The following FNDC4 variants were observed in gnomAD, a reference collection of about 807,000 sequenced individuals.
FNDC4 encodes fibronectin type III domain-containing protein 4.
FNDC4 carries 11 observed loss-of-function variants against 25.1 expected under a neutral mutation model. That is an observed-to-expected ratio of 0.44 (90% CI 0.28 to 0.73). FNDC4 has a LOEUF of 0.73. Ranked by LOEUF, FNDC4 falls within the 30% of genes least tolerant of loss-of-function variation. The pLI is 0.16. For synonymous variants in FNDC4, 136 were observed against 118.8 expected (o/e 1.14, Z -0.94); for missense variants, 250 against 304.3 (o/e 0.82, Z 1.33).
In FNDC4 at chr2:27,494,456, G is replaced by T. The variant is rs758235309; in HGVS notation, c.144C>A (p.Pro48=). The T allele has an allele frequency of 1.2e-6, 2 of 1,614,024 alleles. No homozygotes were observed. Among genetic ancestry groups the T allele is most frequent in the Non-Finnish European group, 1.7e-6 (2 of 1,180,010 alleles). The change falls in exon 3 of 7, where the codon CCC becomes CCA. Residue 48 remains proline (P), a synonymous_variant. Transcript: ENST00000264703. The surrounding 1 kb of genome is among the most constrained non-coding windows in gnomAD (Gnocchi z 4.6). ...GAGTGACCGTCACATTCACAGGAGA[G>T]GGAGGCCGGTCTGCGGGAGCCAGGG... ...DLGFVRADRP[P]SPVNVTVTHL... is the part of the protein sequence containing the mutation.
chr2:27,493,320 TC>T, intron 5 of FNDC4, 68 bp downstream of exon 5: 1 of 1,294,282 alleles, frequency 7.7e-7, no homozygotes, highest in Non-Finnish European at 1.1e-6. Flanking sequence ...CACTTCTTTT[TC>T]TCCTGACAAC....
chr2:27,494,648 C>T lies in FNDC4; in HGVS notation c.32G>A (p.Ser11Asn). 3.8e-6 allele frequency: 6 copies of T among 1,588,238 alleles called. No individual in the cohort carries two copies. Among genetic ancestry groups the T allele is most frequent in the Non-Finnish European group, 5.1e-6 (6 of 1,169,352 alleles). ...CGAAGCCATGTCCCCACGGAGTCCG[C>T]TGGGGGGGGAACTGTGGCATCCGCT... Reference protein sequence around the residue: MPSGCHSSPPSGLRGDMASLV... With the variant: MPSGCHSSPPNGLRGDMASLV... The change falls in exon 2 of 7, where the codon AGC (serine) becomes AAC (asparagine). Residue 11 changes from serine (S) to asparagine (N), a missense_variant. Transcript: ENST00000264703. This position sits in a 1 kb window ranked among gnomAD's most constrained non-coding sequence, Gnocchi z 4.6.
In FNDC4 at chr2:27,494,665, G is replaced by A; in HGVS notation, c.15C>T (p.Cys5=). 1 of 1,560,292 alleles carries A rather than the reference G, an allele frequency of 6.4e-7. No individual in the cohort carries two copies. Among genetic ancestry groups the A allele is most frequent in the Non-Finnish European group, 8.7e-7 (1 of 1,155,898 alleles). MPSG[C]HSSPPSGLRG... ...GGAGTCCGCTGGGGGGGGAACTGTGGCATCCGCTTGGCATCCGCTTGACAT... is the reference window on the plus strand; with the variant it reads ...GGAGTCCGCTGGGGGGGGAACTGTGACATCCGCTTGGCATCCGCTTGACAT... Residue 5 remains cysteine, a synonymous_variant, in exon 2 of 7, where the codon TGC becomes TGT. Coordinates refer to ENST00000264703, the MANE Select transcript of FNDC4 (RefSeq NM_022823.3). The surrounding 1 kb of genome is among the most constrained non-coding windows in gnomAD (Gnocchi z 4.6).
rs907776988 is a variant in FNDC4 at position 27,492,609 on chromosome 2, C to G, written c.669+57G>C. 1.9e-6 allele frequency: 3 copies of G among 1,609,904 alleles called. No homozygotes were observed. The African/African-American group carries it at 4.0e-5, about 22-fold the overall frequency. ...CCCCTCTTTGACCTTCTTCCTTTCC[C>G]TGGCTGCCCCTCAGGGGCAGAATCA... On this transcript the variant is annotated intron_variant, in intron 6 of 6. Transcript: ENST00000264703. The surrounding 1 kb of genome is among the most constrained non-coding windows in gnomAD (Gnocchi z 4.1).
rs1217711470 is a variant in FNDC4 at position 27,492,576 on chromosome 2, T to C, written c.669+90A>G. The C allele has an allele frequency of 6.3e-7, 1 of 1,599,568 alleles. No individual in the cohort carries two copies. The highest frequency in any genetic ancestry group is 8.6e-7 in the Non-Finnish European group (1 of 1,166,910). On this transcript the variant is annotated intron_variant, in intron 6 of 6. Coordinates refer to ENST00000264703, the MANE Select transcript of FNDC4 (RefSeq NM_022823.3). The surrounding 1 kb of genome is among the most constrained non-coding windows in gnomAD (Gnocchi z 4.1). Reference sequence around the variant, plus strand: ...CATCCCAGATCTTCCATTCTCCATCTTTTTCTGCCCCTCTTTGACCTTCTT... The same window carrying C: ...CATCCCAGATCTTCCATTCTCCATCCTTTTCTGCCCCTCTTTGACCTTCTT...
chr2:27,494,227 G>A lies in FNDC4; in HGVS notation c.250-93C>T. ...ACTCTTCAACATCCAAGCACTCCGG[G>A]GGAGTAGCGTGAAAAGGGCAGCCTG... On this transcript the variant is annotated intron_variant, in intron 3 of 6. Transcript: ENST00000264703. The surrounding 1 kb of genome is among the most constrained non-coding windows in gnomAD (Gnocchi z 4.6). 7.0e-7 allele frequency: 1 copy of A among 1,424,274 alleles called. No individual in the cohort carries two copies. The highest frequency in any genetic ancestry group is 9.8e-7 in the Non-Finnish European group (1 of 1,023,730). 88.2% of individuals were successfully genotyped at this position (1,424,274 alleles called of 1,614,324 possible).
rs2148575539 is a variant in FNDC4 at position 27,494,990 on chromosome 2, C to T, written c.-137G>A. The T allele has an allele frequency of 9.8e-6, 2 of 204,980 alleles. No individual in the cohort carries two copies. Among genetic ancestry groups the T allele is most frequent in the Non-Finnish European group, 1.9e-5 (2 of 103,262 alleles). The allele number at this position is 204,980 out of a possible 1,614,324, so 12.7% of individuals were successfully genotyped here. A position where few individuals can be genotyped will look rare whatever the true frequency, so the allele number is the denominator to read the frequency against. On this transcript the variant is annotated 5_prime_UTR_variant, in exon 1 of 7. Coordinates refer to ENST00000264703, the MANE Select transcript of FNDC4 (RefSeq NM_022823.3). The surrounding 1 kb of genome is among the most constrained non-coding windows in gnomAD (Gnocchi z 4.6). ...CTACCCCATCCCGGCGCGGGCCCGG[C>T]GACGCGGGCAGCGCGGGGCCGAGCT...
chr2:27,494,700 G>T lies in FNDC4; in HGVS notation c.-21C>A. 1.8e-5 allele frequency: 27 copies of T among 1,511,514 alleles called. No homozygotes were observed. The highest frequency in any genetic ancestry group is 2.4e-5 in the Non-Finnish European group (27 of 1,132,846). The allele number at this position is 1,511,514 out of a possible 1,614,324, so 93.6% of individuals were successfully genotyped here. Reference sequence around the variant, plus strand: ...GGCATCCGCTTGACATCCAGGCGGGGCTCCTGGAGATGGCAGGAGTTGTGG... The same window carrying T: ...GGCATCCGCTTGACATCCAGGCGGGTCTCCTGGAGATGGCAGGAGTTGTGG... On this transcript the variant is annotated 5_prime_UTR_variant, in exon 2 of 7. Transcript: ENST00000264703. This position sits in a 1 kb window ranked among gnomAD's most constrained non-coding sequence, Gnocchi z 4.6.
Position 27,492,293 on chromosome 2 carries a change from A to C in FNDC4, c.*150T>G. 1.1e-6 allele frequency: 1 copy of C among 947,478 alleles called. No homozygotes were observed. The highest frequency in any genetic ancestry group is 1.7e-6 in the Non-Finnish European group (1 of 589,160). 58.7% of individuals were successfully genotyped at this position (947,478 alleles called of 1,614,324 possible). On this transcript the variant is annotated 3_prime_UTR_variant, in exon 7 of 7. Transcript: ENST00000264703. The surrounding 1 kb of genome is among the most constrained non-coding windows in gnomAD (Gnocchi z 4.1). ...ACAGACCTACCTTCTGGCTCTGCTC[A>C]CAGTGGAAAGAGGATGGGTACCAGG...
rs750290940 is a variant in FNDC4 at position 27,494,439 on chromosome 2, G to A, written c.161C>T (p.Thr54Met). The A allele has an allele frequency of 1.9e-6, 3 of 1,614,174 alleles. No homozygotes were observed. The highest frequency in any genetic ancestry group is 3.3e-5 in the Admixed American group (2 of 60,026). Residue 54 changes from threonine (T) to methionine (M), a missense_variant, in exon 3 of 7, where the codon ACG (threonine) becomes ATG (methionine). Thr to Met is a moderately conservative substitution (Grantham distance 81). Coordinates refer to ENST00000264703, the MANE Select transcript of FNDC4 (RefSeq NM_022823.3). The surrounding 1 kb of genome is among the most constrained non-coding windows in gnomAD (Gnocchi z 4.6). ...CGAGTTGGCTCTGAGGTGAGTGACC[G>A]TCACATTCACAGGAGAGGGAGGCCG... ...ADRPPSPVNV[T>M]VTHLRANSAT...
Position 27,494,002 on chromosome 2 carries a change from G to C in FNDC4, c.382C>G (p.Pro128Ala). 1 of 1,614,202 alleles carries C rather than the reference G, an allele frequency of 6.2e-7. No individual in the cohort carries two copies. The highest frequency in any genetic ancestry group is 8.5e-7 in the Non-Finnish European group (1 of 1,180,038). The stretch of plus-strand genomic sequence containing the variant: ...CGGAAGTGCACCCGGGGCCCTGGGG[G>C]ACTCTCTCCCCGAAGGCCGATGCTC... Reference protein sequence around the residue: ...VRSIGLRGESPPGPRVHFRTL... With the variant: ...VRSIGLRGESAPGPRVHFRTL... Residue 128 changes from proline to alanine, a missense_variant, in exon 4 of 7, where the codon CCC (proline) becomes GCC (alanine). Pro to Ala is a conservative substitution (Grantham distance 27). Coordinates refer to ENST00000264703, the MANE Select transcript of FNDC4 (RefSeq NM_022823.3). This position sits in a 1 kb window ranked among gnomAD's most constrained non-coding sequence, Gnocchi z 4.6.
Position 27,492,142 on chromosome 2 carries a change from GA to G in FNDC4, c.*300del, listed in dbSNP as rs1669272537. 1 of 464,422 alleles carries G rather than the reference GA, an allele frequency of 2.2e-6. No homozygotes were observed. The highest frequency in any genetic ancestry group is 1.9e-5 in the African/African-American group (1 of 51,968). 28.8% of individuals were successfully genotyped at this position (464,422 alleles called of 1,614,324 possible). On this transcript the variant is annotated 3_prime_UTR_variant, in exon 7 of 7. Coordinates refer to ENST00000264703, the MANE Select transcript of FNDC4 (RefSeq NM_022823.3). This position sits in a 1 kb window ranked among gnomAD's most constrained non-coding sequence, Gnocchi z 4.1. The stretch of plus-strand genomic sequence containing the variant: ...GGATGCTCAGAGTCCTGATACAGGT[GA>G]AATGGGGCCCCCATTTGGGACCTAA...
Position 27,494,223 on chromosome 2 carries a change from C to G in FNDC4, c.250-89G>C. On this transcript the variant is annotated intron_variant, in intron 3 of 6. Coordinates refer to ENST00000264703, the MANE Select transcript of FNDC4 (RefSeq NM_022823.3). The surrounding 1 kb of genome is among the most constrained non-coding windows in gnomAD (Gnocchi z 4.6). ...AGAGACTCTTCAACATCCAAGCACT[C>G]CGGGGGAGTAGCGTGAAAAGGGCAG... 2 of 1,437,138 alleles carry G rather than the reference C, an allele frequency of 1.4e-6. No homozygotes were observed. Among genetic ancestry groups the G allele is most frequent in the Non-Finnish European group, 1.9e-6 (2 of 1,035,174 alleles). The allele number at this position is 1,437,138 out of a possible 1,614,324, so 89.0% of individuals were successfully genotyped here.
In FNDC4 at chr2:27,492,896, C is replaced by T; in HGVS notation, c.545-106G>A. On this transcript the variant is annotated intron_variant, in intron 5 of 6. Transcript: ENST00000264703. This position sits in a 1 kb window ranked among gnomAD's most constrained non-coding sequence, Gnocchi z 4.1. Reference sequence around the variant, plus strand: ...TGAAGAACATCCTGAATTCCTGGTGCCCATGCAGTCCTCCTCTCTGGGCTC... The same window carrying T: ...TGAAGAACATCCTGAATTCCTGGTGTCCATGCAGTCCTCCTCTCTGGGCTC... 2.3e-6 allele frequency: 3 copies of T among 1,286,100 alleles called. No individual in the cohort carries two copies. The highest frequency in any genetic ancestry group is 3.3e-6 in the Non-Finnish European group (3 of 908,034). The allele number at this position is 1,286,100 out of a possible 1,614,324, so 79.7% of individuals were successfully genotyped here.
chr2:27,493,599 T>C (rs1669308984), intron 4 of FNDC4, 121 bp from the exon 5 acceptor site: 2 of 879,090 alleles, frequency 2.3e-6, no homozygotes, highest in African/African-American at 1.6e-5. Context: ...CCTTGGAGTG[T>C]AGGGTAGCCC....
Position 27,492,620 on chromosome 2 carries a change from T to C in FNDC4, c.669+46A>G. 1 of 1,613,070 alleles carries C rather than the reference T, an allele frequency of 6.2e-7. No individual in the cohort carries two copies. Among genetic ancestry groups the C allele is most frequent in the Non-Finnish European group, 8.5e-7 (1 of 1,179,124 alleles). On this transcript the variant is annotated intron_variant, in intron 6 of 6. Transcript: ENST00000264703. This position sits in a 1 kb window ranked among gnomAD's most constrained non-coding sequence, Gnocchi z 4.1. ...CCTTCTTCCTTTCCCTGGCTGCCCC[T>C]CAGGGGCAGAATCACCCTTTCCGCC...
At position 27,492,507 on chromosome 2, in the gene FNDC4, C is replaced by G. The variant is rs770475768; in HGVS notation, c.670-29G>C. 21 of 1,608,674 alleles carry G rather than the reference C, an allele frequency of 1.3e-5. 1 individual carries two copies. The South Asian group carries it at 2.2e-4, about 17-fold the overall frequency. On this transcript the variant is annotated intron_variant, in intron 6 of 6. Coordinates refer to ENST00000264703, the MANE Select transcript of FNDC4 (RefSeq NM_022823.3). The surrounding 1 kb of genome is among the most constrained non-coding windows in gnomAD (Gnocchi z 4.1). ...TGAAAGAAAATGGCCTGAGTCTCAA[C>G]TTCAGGAAGGTAATAGGTGCCACCC...
In FNDC4 at chr2:27,494,086, T is replaced by A. The variant is rs763421619; in HGVS notation, c.298A>T (p.Thr100Ser). The stretch of plus-strand genomic sequence containing the variant: ...AGGCCCCAGAGGGCACAGGCCCGGG[T>A]GGTGGTGTTCACCTCCCGAATCACA... ...QRVIREVNTT[T>S]RACALWGLAE... Residue 100 changes from threonine to serine, a missense_variant, in exon 4 of 7, where the codon ACC (threonine) becomes TCC (serine). By Grantham distance (58) the Thr-to-Ser change is moderately conservative. Coordinates refer to ENST00000264703, the MANE Select transcript of FNDC4 (RefSeq NM_022823.3). This position sits in a 1 kb window ranked among gnomAD's most constrained non-coding sequence, Gnocchi z 4.6. 6.2e-7 allele frequency: 1 copy of A among 1,614,056 alleles called. No individual in the cohort carries two copies. The highest frequency in any genetic ancestry group is 1.7e-5 in the Admixed American group (1 of 60,022).
At position 27,492,355 on chromosome 2, in the gene FNDC4, C is replaced by G; in HGVS notation, c.*88G>C. 1 of 1,522,312 alleles carries G rather than the reference C, an allele frequency of 6.6e-7. No homozygotes were observed. The highest frequency in any genetic ancestry group is 1.1e-5 in the South Asian group (1 of 89,114). The allele number at this position is 1,522,312 out of a possible 1,614,324, so 94.3% of individuals were successfully genotyped here. A position where few individuals can be genotyped will look rare whatever the true frequency, so the allele number is the denominator to read the frequency against. On this transcript the variant is annotated 3_prime_UTR_variant, in exon 7 of 7. Transcript: ENST00000264703. This position sits in a 1 kb window ranked among gnomAD's most constrained non-coding sequence, Gnocchi z 4.1. ...GGGAGTGGCATTACCCTCTGGGAGT[C>G]TCGGGCAGATCACCATCTTGGGCTC...
Sources: gnomAD v4.1 joint callset for allele counts on GRCh38, gnomAD v4.1.1 for gene constraint, Gnocchi (gnomAD v3.1) non-coding constraint, MANE v1.5 for transcripts, NCBI Gene and HGNC (gene_info 2026-07-23, HGNC 2026-07-21) for gene names.